ZNF200: variants seen among roughly 807,000 people sequenced by gnomAD.
ZNF200 encodes the protein zinc finger protein 200.
ZNF200 carries 35 observed loss-of-function variants against 33.6 expected under a neutral mutation model. The ratio of observed to expected loss-of-function variants is 1.04; its 90% CI spans 0.80 to 1.38. ZNF200 has a LOEUF of 1.38. Ranked by LOEUF, ZNF200 falls within the 40% of genes most tolerant of loss-of-function variation. The probability of loss-of-function intolerance (pLI) is 0.00; values close to 1 mark genes in which losing one functional copy is unlikely to be tolerated. For missense variants in ZNF200, 592 were observed against 470.6 expected (o/e 1.26, Z -2.39); for synonymous variants, 209 against 167.7 (o/e 1.25, Z -1.90).
intron 4 of ZNF200, among the ~76,000 whole-genome samples, chr16:3,229,681 T>C (rs904363195): frequency 7.2e-5 from 11 of 152,036 alleles, no homozygotes; most frequent in East Asian, 3.9e-4. Flanking sequence ...CTGGCTAACA[T>C]GGTGAAACCC....
chr16:3,224,441 CCTT>C lies in ZNF200; in HGVS notation c.636_638del (p.Arg213del). On this transcript the variant is annotated inframe_deletion, in exon 5 of 5. Coordinates refer to ENST00000414144, the MANE Select transcript of ZNF200 (RefSeq NM_198088.3). ...TGGTAACTAACAGATTTCTCATTTT[CCTT>C]TTTTGTGGAATGGATGTATTTAGTC... 1 of 1,614,152 alleles carries C rather than the reference CCTT, an allele frequency of 6.2e-7. No individual in the cohort carries two copies. The highest frequency in any genetic ancestry group is 2.2e-5 in the East Asian group (1 of 44,884).
chr16:3,233,519 G>A lies in ZNF200; in HGVS notation c.237C>T (p.Ser79=). ...TLVIMKDVSS[S]LQNRVHPRPL... ...TGTGCTTCTCACCTCTGTTCTGAAG[G>A]CTTGAGCTCACATCTTTCATAATAA... Residue 79 remains serine, a synonymous_variant, in exon 2 of 5, where the codon AGC becomes AGT. Coordinates refer to ENST00000414144, the MANE Select transcript of ZNF200 (RefSeq NM_198088.3). 1.3e-6 allele frequency: 2 copies of A among 1,558,876 alleles called. No homozygotes were observed. The highest frequency in any genetic ancestry group is 1.2e-5 in the South Asian group (1 of 81,660).
At chr16:3,224,944 G>A (rs188717154) in intron 4 of ZNF200, 116 of 241,682 alleles carry the variant, frequency 4.8e-4, no homozygotes, top group Non-Finnish European at 8.5e-4. Flanking sequence ...AAGGACTAGG[G>A]ATGAAGACTA....
intron 3 of ZNF200, 138 bp from the exon 4 acceptor site, chr16:3,232,685 A>G: frequency 6.9e-7 from 1 of 1,446,352 alleles, no homozygotes. Context: ...TGCAGCAAAG[A>G]CAGGACAGCC....
chr16:3,233,001 G>A lies in ZNF200; in HGVS notation c.251-80C>T, dbSNP rs1400978978. The A allele has an allele frequency of 3.9e-6, 5 of 1,290,558 alleles. No individual in the cohort carries two copies. In the African/African-American group the frequency reaches 5.9e-5, roughly 15 times the overall value. 79.9% of individuals were successfully genotyped at this position (1,290,558 alleles called of 1,614,324 possible). On this transcript the variant is annotated intron_variant, in intron 2 of 4. Transcript: ENST00000414144. ...ACTCCCCATACCGCGAGGCCAGGCT[G>A]TCCTCATTCCTTTGACAGGTAACTC... is the stretch of plus-strand genomic sequence containing the variant.
Position 3,233,709 on chromosome 16 carries a change from G to C in ZNF200, c.47C>G (p.Ser16Cys). The change falls in exon 2 of 5, where the codon TCC becomes TGC. Residue 16 changes from serine (S) to cysteine (C), a missense_variant. Transcript: ENST00000414144. Reference sequence around the variant, plus strand: ...GTCTGGCGGAACTCTCAGTATAAAGGACTGCTTTGGCTTTGGGGGCATAGG... The same window carrying C: ...GTCTGGCGGAACTCTCAGTATAAAGCACTGCTTTGGCTTTGGGGGCATAGG... Reference protein sequence around the residue: ...VVPMPPKPKQSFILRVPPDSK... With the variant: ...VVPMPPKPKQCFILRVPPDSK... The C allele has an allele frequency of 1.9e-6, 3 of 1,613,570 alleles. No homozygotes were observed. The highest frequency in any genetic ancestry group is 4.5e-5 in the East Asian group (2 of 44,886).
chr16:3,224,763 G>A (rs1239353618), intron 4 of ZNF200, 150 bp from the exon 5 acceptor site: 4 of 945,580 alleles, frequency 4.2e-6, no homozygotes, highest in Non-Finnish European at 6.1e-6. Context: ...CATACTTATT[G>A]AGGGTGGGAT....
At chr16:3,224,771 G>T in intron 4 of ZNF200, 158 bp from the exon 5 acceptor site, 2 of 837,158 alleles carry the variant, frequency 2.4e-6, no homozygotes, top group South Asian at 2.0e-5. Flanking sequence ...TTGAGGGTGG[G>T]ATACATAACT....
chr16:3,225,888 C>T (rs1304088858), intron 4 of ZNF200: 2 of 150,940 alleles, frequency 1.3e-5, no homozygotes, highest in African/African-American at 4.9e-5. Flanking sequence ...CAGTTTCACA[C>T]CAATAGATTT....
At chr16:3,233,376 T>C in intron 2 of ZNF200, 130 bp downstream of exon 2, 1 of 1,308,478 alleles carries the variant, frequency 7.6e-7, no homozygotes, top group Non-Finnish European at 1.0e-6. Flanking sequence ...ACTTCCTCTT[T>C]CCAACACTAG....
chr16:3,225,912 T>C (rs1242462331), intron 4 of ZNF200: 2 of 124,970 alleles, frequency 1.6e-5, no homozygotes, highest in Non-Finnish European at 3.6e-5. Flanking sequence ...TTTATTTCAC[T>C]TTTTTTTTTT....
At chr16:3,226,998 T>C (rs1460539719) in intron 4 of ZNF200, 1 of 152,274 alleles carries the variant, frequency 6.6e-6, no homozygotes, top group East Asian at 1.9e-4. Context: ...TGGAGTGCAG[T>C]GGCGTGATCT....
chr16:3,224,224 C>T lies in ZNF200; in HGVS notation c.856G>A (p.Gly286Arg), dbSNP rs1368438369. Residue 286 changes from glycine to arginine, a missense_variant, in exon 5 of 5, where the codon GGG becomes AGG. Coordinates refer to ENST00000414144, the MANE Select transcript of ZNF200 (RefSeq NM_198088.3). ...TTTGTTTTATGATTGAAGCTTTTCC[C>T]ACAGTGATTACAGTCATAGGGTTTT... ...GEKPYDCNHC[G>R]KSFNHKTNLN... 1 of 1,614,032 alleles carries T rather than the reference C, an allele frequency of 6.2e-7. No individual in the cohort carries two copies. Among genetic ancestry groups the T allele is most frequent in the African/African-American group, 1.3e-5 (1 of 74,928 alleles).
chr16:3,230,362 T>A (rs1191228458), intron 4 of ZNF200, among the ~76,000 whole-genome samples: 1 of 152,224 alleles, frequency 6.6e-6, no homozygotes, highest in Non-Finnish European at 1.5e-5. Context: ...AATTTACTGA[T>A]CTTTATTATT....
At chr16:3,229,007 T>C (rs1480667950) in intron 4 of ZNF200, among the ~76,000 whole-genome samples, 2 of 152,252 alleles carry the variant, frequency 1.3e-5, no homozygotes, top group Non-Finnish European at 2.9e-5. Context: ...GATGGTTTTG[T>C]CTGTACATAT....
intron 4 of ZNF200, among the ~76,000 whole-genome samples, chr16:3,232,170 C>T (rs1185477470): frequency 6.6e-6 from 1 of 152,148 alleles, no homozygotes; most frequent in Non-Finnish European, 1.5e-5. Flanking sequence ...TCTATATCCA[C>T]AGTTTCTATG....
Position 3,223,862 on chromosome 16 carries a change from C to T in ZNF200, c.*30G>A. 6.4e-7 allele frequency: 1 copy of T among 1,570,782 alleles called. No individual in the cohort carries two copies. On this transcript the variant is annotated 3_prime_UTR_variant, in exon 5 of 5. Coordinates refer to ENST00000414144, the MANE Select transcript of ZNF200 (RefSeq NM_198088.3). ...TATGAAAGCTCTCAGGTTGAGGCAGCACCATCAGACCCAGAAAGGGTTCCC... is the reference window on the plus strand; with the variant it reads ...TATGAAAGCTCTCAGGTTGAGGCAGTACCATCAGACCCAGAAAGGGTTCCC...
intron 1 of ZNF200, chr16:3,234,672 G>A (rs1958754874): frequency 6.6e-6 from 1 of 152,246 alleles, no homozygotes; most frequent in African/African-American, 2.4e-5. Context: ...CCCTTTGGGC[G>A]GGGAGGCGGT....
chr16:3,224,461 T>C lies in ZNF200; in HGVS notation c.619A>G (p.Thr207Ala), dbSNP rs775538837. 1 of 1,614,234 alleles carries C rather than the reference T, an allele frequency of 6.2e-7. No individual in the cohort carries two copies. Among genetic ancestry groups the C allele is most frequent in the Non-Finnish European group, 8.5e-7 (1 of 1,180,048 alleles). ...ATTTTCCTTTTTTGTGGAATGGATGTATTTAGTCGTTCCTTTTCCTGGTTA... is the reference window on the plus strand; with the variant it reads ...ATTTTCCTTTTTTGTGGAATGGATGCATTTAGTCGTTCCTTTTCCTGGTTA... ...PDNQEKERLNTSIPQKRKMRN... is the reference protein window; with the variant it reads ...PDNQEKERLNASIPQKRKMRN... Residue 207 changes from threonine to alanine, a missense_variant, in exon 5 of 5, where the codon ACA becomes GCA. By Grantham distance (58) the Thr-to-Ala change is moderately conservative. Transcript: ENST00000414144.
Sources: allele counts gnomAD v4.1 joint callset (sites outside exome capture counted in the v4.1 genomes callset), GRCh38; gene constraint gnomAD v4.1.1; transcripts MANE v1.5; gene names NCBI Gene and HGNC (gene_info 2026-07-23, HGNC 2026-07-21).